Variants in PDPR observed in about 807,000 individuals in gnomAD.
PDPR encodes the protein pyruvate dehydrogenase phosphatase regulatory subunit, also known as pyruvate dehydrogenase phosphatase regulatory subunit, mitochondrial.
PDPR carries 50 observed loss-of-function variants against 102.2 expected under a neutral mutation model. The observed-to-expected ratio is 0.49, with a 90% CI of 0.39 to 0.62. The LOEUF (loss-of-function observed/expected upper bound fraction) is 0.62, where lower values mean the gene tolerates loss of function less well. Ranked by LOEUF, PDPR falls within the 20% of genes least tolerant of loss-of-function variation. PDPR has a pLI of 0.00. For synonymous variants in PDPR, 259 were observed against 406.0 expected (o/e 0.64, Z 4.35); for missense variants, 625 against 1,098.2 (o/e 0.57, Z 6.09).
chr16:70,156,788 A>G lies in PDPR; in HGVS notation c.2549A>G (p.Gln850Arg), dbSNP rs747425535. Reference sequence around the variant, plus strand: ...ATTGACATCGCGGGATACCGCTTCCAGGCCAAGGCCAAGCTCTACCCTGTC... The same window carrying G: ...ATTGACATCGCGGGATACCGCTTCCGGGCCAAGGCCAAGCTCTACCCTGTC... Reference protein sequence around the residue: ...YEIDIAGYRFQAKAKLYPVAS... With the variant: ...YEIDIAGYRFRAKAKLYPVAS... The change falls in exon 19 of 19, where the codon CAG (glutamine) becomes CGG (arginine). Residue 850 changes from glutamine to arginine, a missense_variant. By Grantham distance (43) the Gln-to-Arg change is conservative (BLOSUM62 1). Transcript: ENST00000288050. 2.5e-6 allele frequency: 4 copies of G among 1,613,966 alleles called. No individual in the cohort carries two copies. The highest frequency in any genetic ancestry group is 4.5e-5 in the East Asian group (2 of 44,900).
At chr16:70,137,893 CAA>C (rs1279155444) in intron 10 of PDPR, among the ~76,000 whole-genome samples, 3 of 152,262 alleles carry the variant, frequency 2.0e-5, no homozygotes, top group Non-Finnish European at 4.4e-5. Context: ...TTTTTTGAAA[CAA>C]GATCTTACTC....
rs527662921 is a variant in PDPR, at chr16:70,125,324, C to T, written c.228-1936C>T. On this transcript the variant is annotated intron_variant, in intron 3 of 18. Transcript: ENST00000288050. ...CTGGGAGGTGGAGGTTGCGGTGAGC[C>T]GAGATTGTGCCATTGCACTCCAATC... is the stretch of plus-strand genomic sequence containing the variant. 8.5e-5 allele frequency among the ~76,000 whole-genome samples: 13 copies of T among 152,214 alleles called. No homozygotes were observed. In the South Asian group the frequency reaches 1.0e-3, roughly 12 times the overall value.
At position 70,127,500 on chromosome 16, in the gene PDPR, CTT is replaced by C. The variant is rs1964095397; in HGVS notation, c.361+108_361+109del. On this transcript the variant is annotated intron_variant, in intron 4 of 18. Transcript: ENST00000288050. Reference sequence around the variant, plus strand: ...GTGCCTGCTGCTTTGGTAATTAAAACTTGGGTTGGCCGGGCATGGTGGCTCAC... The same window carrying C: ...GTGCCTGCTGCTTTGGTAATTAAAACGGGTTGGCCGGGCATGGTGGCTCAC... The C allele has an allele frequency of 2.6e-6, 4 of 1,547,964 alleles. No homozygotes were observed. The Admixed American group carries it at 6.0e-5, about 23-fold the overall frequency.
chr16:70,145,296 C>T (rs1310327909), intron 15 of PDPR, among the ~76,000 whole-genome samples: 1 of 152,234 alleles, frequency 6.6e-6, no homozygotes, highest in Non-Finnish European at 1.5e-5. Flanking sequence ...CGCCACCACG[C>T]CGGGCTAATT....
rs187484049 is a variant in PDPR, at chr16:70,134,655, G to A, written c.998-1539G>A. Among the ~76,000 whole-genome samples the A allele has an allele frequency of 2.8e-3, 429 of 151,636 alleles. 1 individual carries two copies. The highest frequency in any genetic ancestry group is 9.7e-3 in the African/African-American group (403 of 41,390). On this transcript the variant is annotated intron_variant, in intron 9 of 18. Coordinates refer to ENST00000288050, the MANE Select transcript of PDPR (RefSeq NM_017990.5). Reference sequence around the variant, plus strand: ...ATAAAAATTAGCTGGATGTGGTGGCGCACACCTGTAACGCCAGCTACGTGG... The same window carrying A: ...ATAAAAATTAGCTGGATGTGGTGGCACACACCTGTAACGCCAGCTACGTGG...
chr16:70,124,365 A>G (rs1359043803), intron 3 of PDPR, among the ~76,000 whole-genome samples: 2 of 152,390 alleles, frequency 1.3e-5, no homozygotes, highest in African/African-American at 4.8e-5. Context: ...TGTCTCAAAA[A>G]ATAATAGTTA....
chr16:70,153,439 G>A lies in PDPR; in HGVS notation c.2101G>A (p.Gly701Arg), dbSNP rs747270879. 9.3e-6 allele frequency: 15 copies of A among 1,613,800 alleles called. No individual in the cohort carries two copies. The highest frequency in any genetic ancestry group is 7.7e-5 in the South Asian group (7 of 91,046). Residue 701 changes from glycine to arginine, a missense_variant, in exon 18 of 19, where the codon GGA (glycine) becomes AGA (arginine). Physicochemically the swap from Gly to Arg is moderately radical, Grantham distance 125 (BLOSUM62 -2). Around this residue, in one of 11 missense-constraint regions of PDPR, gnomAD observed 303 missense variants for 258.9 expected, o/e 1.17. Transcript: ENST00000288050. ...NEVMSVGQKY[G>R]IRNAGYYALR... Reference sequence around the variant, plus strand: ...AGTGATGAGTGTTGGCCAGAAATACGGAATCCGGAATGCTGGGTATTACGC... The same window carrying A: ...AGTGATGAGTGTTGGCCAGAAATACAGAATCCGGAATGCTGGGTATTACGC...
chr16:70,157,241 G>T lies in PDPR; in HGVS notation c.*362G>T. The T allele has an allele frequency of 1.9e-6, 1 of 520,026 alleles. No individual in the cohort carries two copies. The highest frequency in any genetic ancestry group is 3.7e-6 in the Non-Finnish European group (1 of 270,488). 32.2% of individuals were successfully genotyped at this position (520,026 alleles called of 1,614,324 possible). Reference sequence around the variant, plus strand: ...TCTCAAGGCAGGGCAAGCCGGGGTGGTGCAGGTCTCAGGGCACGAGTCCCT... The same window carrying T: ...TCTCAAGGCAGGGCAAGCCGGGGTGTTGCAGGTCTCAGGGCACGAGTCCCT... On this transcript the variant is annotated 3_prime_UTR_variant, in exon 19 of 19. Coordinates refer to ENST00000288050, the MANE Select transcript of PDPR (RefSeq NM_017990.5).
chr16:70,124,730 C>T (rs1268660603), intron 3 of PDPR, among the ~76,000 whole-genome samples: 1 of 152,228 alleles, frequency 6.6e-6, no homozygotes, highest in Non-Finnish European at 1.5e-5. Flanking sequence ...GGAACTCCCA[C>T]CTGGGGTGGA....
chr16:70,140,230 A>G (rs769673129), intron 11 of PDPR, among the ~76,000 whole-genome samples: 17 of 152,232 alleles, frequency 1.1e-4, no homozygotes, highest in Non-Finnish European at 1.6e-4. Flanking sequence ...AGTCCCAGCT[A>G]CTTGGGAGGC....
chr16:70,137,445 T>C (rs1042603938), intron 10 of PDPR, among the ~76,000 whole-genome samples: 11 of 152,270 alleles, frequency 7.2e-5, no homozygotes, highest in Admixed American at 6.5e-5. Flanking sequence ...TGGTTCCACT[T>C]ATATGAAGTT....
At chr16:70,142,073 C>A (rs1965771445) in intron 11 of PDPR, among the ~76,000 whole-genome samples, 161 bp from the exon 12 acceptor site, 1 of 152,178 alleles carries the variant, frequency 6.6e-6, no homozygotes, top group African/African-American at 2.4e-5. Context: ...GCACTCCAGC[C>A]TGGACAACAA....
Position 70,156,995 on chromosome 16 carries a change from T to G in PDPR, c.*116T>G, listed in dbSNP as rs1479157944. 19 of 1,406,516 alleles carry G rather than the reference T, an allele frequency of 1.4e-5. No individual in the cohort carries two copies. Among genetic ancestry groups the G allele is most frequent in the Non-Finnish European group, 1.9e-5 (19 of 1,019,116 alleles). The allele number at this position is 1,406,516 out of a possible 1,614,324, so 87.1% of individuals were successfully genotyped here. On this transcript the variant is annotated 3_prime_UTR_variant, in exon 19 of 19. Coordinates refer to ENST00000288050, the MANE Select transcript of PDPR (RefSeq NM_017990.5). The stretch of plus-strand genomic sequence containing the variant: ...TTCTGGAGCCTTTGCCTCCCATCTC[T>G]TATCTCCTTGATATAATTTTGAACT...
chr16:70,146,216 C>A lies in PDPR; in HGVS notation c.1950C>A (p.Ser650Arg). Residue 650 changes from serine (S) to arginine (R), a missense_variant, in exon 16 of 19, where the codon AGC becomes AGA. By Grantham distance (110) the Ser-to-Arg change is moderately radical (BLOSUM62 -1). Transcript: ENST00000288050. ...CTATGACTCCAGACCACTTCCCAAG[C>A]CTCTTTTGCAAGGTAAGTGCTGATA... ...YAPMTPDHFP[S>R]LFCKEMSVGY... 6.2e-7 allele frequency: 1 copy of A among 1,613,776 alleles called. No individual in the cohort carries two copies. Among genetic ancestry groups the A allele is most frequent in the Non-Finnish European group, 8.5e-7 (1 of 1,179,828 alleles).
At chr16:70,138,421 T>C (rs1216405646) in intron 10 of PDPR, among the ~76,000 whole-genome samples, 2 of 152,226 alleles carry the variant, frequency 1.3e-5, no homozygotes, top group Non-Finnish European at 2.9e-5. Context: ...TTCTCCACAT[T>C]GGTCAGGCTT....
intron 11 of PDPR, among the ~76,000 whole-genome samples, chr16:70,139,968 C>T (rs1378075431): frequency 2.0e-5 from 3 of 152,196 alleles, no homozygotes; most frequent in Non-Finnish European, 1.5e-5. Context: ...GATGTACATC[C>T]ATGGAGATGA....
At chr16:70,137,972 G>C (rs1345211022) in intron 10 of PDPR, among the ~76,000 whole-genome samples, 5 of 151,976 alleles carry the variant, frequency 3.3e-5, no homozygotes, top group Admixed American at 2.6e-4. Context: ...GGGCTCAAGG[G>C]ATCATCCCGC....
intron 17 of PDPR, among the ~76,000 whole-genome samples, chr16:70,150,185 C>T (rs1405013576): frequency 6.8e-6 from 1 of 146,952 alleles, no homozygotes; most frequent in African/African-American, 2.5e-5. Flanking sequence ...CTCACCGCAA[C>T]CTCTGCCTCC....
chr16:70,155,447 C>A (rs1369204743), intron 18 of PDPR, among the ~76,000 whole-genome samples: 3 of 152,232 alleles, frequency 2.0e-5, no homozygotes, highest in Admixed American at 6.5e-5. Flanking sequence ...TATTTTTTGT[C>A]TTTACCAAAA....
Sources: gnomAD v4.1 joint callset for allele counts (sites outside exome capture counted in the v4.1 genomes callset) on GRCh38, gnomAD v4.1.1 for gene constraint, gnomAD v4.1.1 regional missense constraint, MANE v1.5 for transcripts, NCBI Gene and HGNC (gene_info 2026-07-23, HGNC 2026-07-21) for gene names.